The following EFCAB13 variants were observed in gnomAD, a reference collection of about 807,000 sequenced individuals.
EFCAB13 encodes EF-hand calcium-binding domain-containing protein 13.
Under a neutral mutation model 110.2 loss-of-function variants are expected in EFCAB13, and 91 were observed. The ratio of observed to expected loss-of-function variants is 0.83; its 90% confidence interval spans 0.70 to 0.98. The LOEUF (loss-of-function observed/expected upper bound fraction) is 0.98. Among genes scored for constraint, EFCAB13 ranks in the 50% least tolerant of loss-of-function variants. The probability of loss-of-function intolerance (pLI) is 0.00; values close to 1 mark genes in which losing one functional copy is unlikely to be tolerated. For synonymous variants in EFCAB13, 323 were observed against 369.9 expected, an observed-to-expected ratio of 0.87 and a Z score of 1.45; for missense variants, 968 against 1,119.4, an observed-to-expected ratio of 0.86 and a Z score of 1.93.
rs1159412706 is a variant in EFCAB13 at position 47,341,987 on chromosome 17, T to C, written c.258T>C (p.Val86=). 5 of 1,601,332 alleles carry C rather than the reference T, an allele frequency of 3.1e-6. No individual in the cohort carries two copies. The highest frequency in any genetic ancestry group is 3.4e-6 in the Non-Finnish European group (4 of 1,175,218). The change falls in exon 6 of 25, where the codon GTT becomes GTC. Residue 86 remains valine (V), a synonymous_variant. Transcript: ENST00000331493. The part of the protein sequence containing the change: ...KSSDFSGEKK[V]GRKSLQVQQH... ...CTGATTTTTCAGGAGAAAAAAAAGT[T>C]GGGAGAAAGAGTTTACAAGTACAAC...
In EFCAB13 at chr17:47,402,118, G is replaced by T. The variant is rs762355226; in HGVS notation, c.1946-14G>T. The T allele has an allele frequency of 4.3e-6, 7 of 1,613,038 alleles. No homozygotes were observed. Among genetic ancestry groups the T allele is most frequent in the Non-Finnish European group, 5.9e-6 (7 of 1,179,162 alleles). ...GTAATGAGGTTGGTCTATTAAAAGT[G>T]TTTTTTCTCACAGAAGGTGACAAAG... On this transcript the variant is annotated splice_polypyrimidine_tract_variant and intron_variant, in intron 17 of 24. Coordinates refer to ENST00000331493, the MANE Select transcript of EFCAB13 (RefSeq NM_152347.5).
chr17:47,338,689 T>C (rs945505278), intron 5 of EFCAB13, among the ~76,000 whole-genome samples: 2 of 152,098 alleles, frequency 1.3e-5, no homozygotes, highest in African/African-American at 4.8e-5. Context: ...CAATAGAAAA[T>C]TTACTTTTGA....
intron 24 of EFCAB13, 196 bp downstream of exon 24, chr17:47,430,157 CATCTT>C (rs1422683976): frequency 6.8e-5 from 82 of 1,203,504 alleles, no homozygotes; most frequent in Middle Eastern, 6.6e-4. Context: ...AGTCAGAGCT[CATCTT>C]ATCCCTGTGT....
At chr17:47,396,071 G>A (rs372710519) in intron 17 of EFCAB13, 94 bp downstream of exon 17, 16 of 1,112,932 alleles carry the variant, frequency 1.4e-5, no homozygotes, top group Non-Finnish European at 1.8e-5. Flanking sequence ...TTGGCGAGAC[G>A]GAGTGTTCGA....
chr17:47,338,284 C>T (rs1308074883), intron 5 of EFCAB13, among the ~76,000 whole-genome samples: 2 of 146,750 alleles, frequency 1.4e-5, no homozygotes, highest in African/African-American at 5.0e-5. Flanking sequence ...GGAGTTTACT[C>T]TACCACCCTG....
intron 9 of EFCAB13, among the ~76,000 whole-genome samples, chr17:47,357,988 T>G (rs1444186095): frequency 1.3e-5 from 2 of 152,330 alleles, no homozygotes; most frequent in East Asian, 3.9e-4. Flanking sequence ...ATTTTCTGTT[T>G]GTGGACAGTG....
chr17:47,345,905 C>T (rs967559133), intron 8 of EFCAB13, among the ~76,000 whole-genome samples: 1 of 152,010 alleles, frequency 6.6e-6, no homozygotes, highest in African/African-American at 2.4e-5. Flanking sequence ...CTTCACTACT[C>T]TCCTCAAATA....
At chr17:47,439,323 C>G (rs1478624201) in intron 24 of EFCAB13, among the ~76,000 whole-genome samples, 1 of 151,674 alleles carries the variant, frequency 6.6e-6, no homozygotes. Context: ...ATTACAGGCT[C>G]CTGCCACCAC....
chr17:47,409,812 C>G, intron 21 of EFCAB13, 121 bp downstream of exon 21: 2 of 751,156 alleles, frequency 2.7e-6, no homozygotes, highest in Non-Finnish European at 4.6e-6. Context: ...TACTATTTTT[C>G]CACAATAGTA....
At chr17:47,332,882 G>C (rs1053873160) in intron 4 of EFCAB13, among the ~76,000 whole-genome samples, 3 of 152,170 alleles carry the variant, frequency 2.0e-5, no homozygotes, top group African/African-American at 7.2e-5. Context: ...ATATGGGAGT[G>C]CAGATATCTC....
chr17:47,355,570 A>ATTT (rs71365066), intron 9 of EFCAB13, among the ~76,000 whole-genome samples: 30 of 120,336 alleles, frequency 2.5e-4, no homozygotes, highest in Non-Finnish European at 3.1e-4. Flanking sequence ...GGCTTTGTTC[A>ATTT]TTTTTTTTTT....
At chr17:47,379,689 T>C (rs2065635936) in intron 14 of EFCAB13, among the ~76,000 whole-genome samples, 1 of 152,160 alleles carries the variant, frequency 6.6e-6, no homozygotes, top group South Asian at 2.1e-4. Context: ...TCCACTGATT[T>C]TTATTAAATT....
intron 23 of EFCAB13, among the ~76,000 whole-genome samples, chr17:47,422,226 G>C (rs1904746664): frequency 6.6e-6 from 1 of 152,124 alleles, no homozygotes; most frequent in African/African-American, 2.4e-5. Flanking sequence ...AAACATATTT[G>C]ATCAAATTCA....
intron 17 of EFCAB13, among the ~76,000 whole-genome samples, chr17:47,398,975 G>C (rs747256540): frequency 4.6e-5 from 7 of 152,202 alleles, no homozygotes; most frequent in Non-Finnish European, 1.0e-4. Flanking sequence ...CCAGGCTGGA[G>C]TGCAGTGGCG....
chr17:47,367,850 G>C (rs2065556860), intron 10 of EFCAB13, among the ~76,000 whole-genome samples: 1 of 152,182 alleles, frequency 6.6e-6, no homozygotes, highest in Non-Finnish European at 1.5e-5. Flanking sequence ...AGGGAAGCTA[G>C]ATCAGCTCCA....
intron 23 of EFCAB13, among the ~76,000 whole-genome samples, chr17:47,416,976 TATAATTTCAGACTCCCCCGAA>T (rs1163484044): frequency 1.3e-5 from 2 of 152,226 alleles, no homozygotes; most frequent in Non-Finnish European, 2.9e-5. Flanking sequence ...AAAATTCATG[TATAATTTCAGACTCCCCCGAA>T]ACTTCATTAC....
chr17:47,361,916 C>T (rs75088836), intron 10 of EFCAB13, among the ~76,000 whole-genome samples: 1,961 of 152,204 alleles, frequency 0.013, 38 homozygotes, highest in East Asian at 0.066. Context: ...AACAATTTTG[C>T]TATGCCCTTC....
intron 23 of EFCAB13, among the ~76,000 whole-genome samples, chr17:47,427,616 T>G (rs769067496): frequency 1.3e-5 from 2 of 152,044 alleles, no homozygotes; most frequent in South Asian, 4.1e-4. Flanking sequence ...TTAGGTAGAT[T>G]ACAAAGTTAT....
chr17:47,349,743 G>A (rs1222273367), intron 9 of EFCAB13, among the ~76,000 whole-genome samples: 2 of 145,318 alleles, frequency 1.4e-5, no homozygotes, highest in Non-Finnish European at 3.0e-5. Context: ...TTTCCTTAAA[G>A]CTGTGGCTGA....
Sources: allele counts gnomAD v4.1 joint callset (sites outside exome capture counted in the v4.1 genomes callset), GRCh38; gene constraint gnomAD v4.1.1; transcripts MANE v1.5; gene names NCBI Gene and HGNC (gene_info 2026-07-23, HGNC 2026-07-21).